The following XG variants were observed in gnomAD, a reference collection of about 807,000 sequenced individuals.
The protein encoded by XG is Xg glycoprotein (Xg blood group), also known as glycoprotein Xg.
In XG, 24 loss-of-function variants were observed where a neutral mutation model predicts 25.7. That is an observed-to-expected ratio of 0.93 (90% CI 0.68 to 1.31). XG has a LOEUF of 1.31. XG is among the 40% of genes most tolerant of loss of function. The pLI, the probability that XG is intolerant of heterozygous loss-of-function variation, is 0.00. For synonymous variants in XG, 77 were observed against 69.2 expected (o/e 1.11, Z -0.56); for missense variants, 181 against 187.6 (o/e 0.96, Z 0.21).
chrX:2,780,306 C>T (rs1256002141), intron 3 of XG, among the ~76,000 whole-genome samples: 2 of 151,214 alleles, frequency 1.3e-5, no homozygotes, highest in Non-Finnish European at 2.9e-5. Context: ...GGGAATTATG[C>T]AATTGACCAG....
At chrX:2,812,309 C>T (rs1486211712) in intron 10 of XG, among the ~76,000 whole-genome samples, 4 of 111,633 alleles carry the variant, frequency 3.6e-5, no homozygotes, top group African/African-American at 1.3e-4. Flanking sequence ...TTTGAAGAAT[C>T]ACTTGGGATT....
intron 1 of XG, among the ~76,000 whole-genome samples, chrX:2,753,291 G>A (rs1479759336): frequency 6.6e-6 from 1 of 152,142 alleles, no homozygotes; most frequent in Non-Finnish European, 1.5e-5. Context: ...CTAGTAAGTG[G>A]ACAATGTGGC....
chrX:2,796,305 A>G (rs2086885751), intron 6 of XG, among the ~76,000 whole-genome samples: 1 of 108,542 alleles, frequency 9.2e-6, no homozygotes, highest in Non-Finnish European at 1.9e-5. Context: ...CATTATTTGT[A>G]TAAACACATA....
intron 1 of XG, among the ~76,000 whole-genome samples, chrX:2,767,778 C>A (rs2050732159): frequency 2.0e-5 from 3 of 152,216 alleles, no homozygotes; most frequent in Admixed American, 2.0e-4. Context: ...GGACTGGAGA[C>A]TGTCTCAGTG....
rs780334216 is a variant in XG, at chrX:2,790,810, C to CG, written c.253+1111dup. 7.9e-4 allele frequency among the ~76,000 whole-genome samples: 88 copies of CG among 111,060 alleles called. 1 individual carries two copies. The highest frequency in any genetic ancestry group is 4.7e-3 in the Middle Eastern group (1 of 213). On this transcript the variant is annotated intron_variant, in intron 5 of 10. Transcript: ENST00000644266. ...AGTGAGACTCTGTCTCAAAAAAAGG[C>CG]GGGGGGGTGGTTGGATACAAGTATT... is the stretch of plus-strand genomic sequence containing the variant.
rs1276953182 is a variant in XG, at chrX:2,815,616, T to C, written c.*1236T>C. The C allele has an allele frequency of 9.0e-6, 1 of 111,043 alleles. No homozygotes were observed. The highest frequency in any genetic ancestry group is 1.9e-5 in the Non-Finnish European group (1 of 52,960). 9.2% of individuals were successfully genotyped at this position (111,043 alleles called of 1,213,427 possible). A position where few individuals can be genotyped will look rare whatever the true frequency, so the allele number is the denominator to read the frequency against. ...CGGGTCTCAAATGTGGATTCATGCA[T>C]CATTTGTGCAGTTTGAAGATAGTCC... On this transcript the variant is annotated 3_prime_UTR_variant, in exon 11 of 11. Coordinates refer to ENST00000644266, the MANE Select transcript of XG (RefSeq NM_001141919.2).
Position 2,809,339 on chromosome X carries a change from C to G in XG, c.454+1119C>G, listed in dbSNP as rs953282137. On this transcript the variant is annotated intron_variant, in intron 9 of 10. Transcript: ENST00000644266. ...GAACCTTCATGGGAAGGAGCCTGCC[C>G]CTGTTGATATGTAGGTGAAGAATGG... Among the ~76,000 whole-genome samples, 4 of 111,322 alleles carry G rather than the reference C, an allele frequency of 3.6e-5. 1 individual carries two copies. In the Admixed American group the frequency reaches 3.8e-4, roughly 11 times the overall value.
intron 1 of XG, among the ~76,000 whole-genome samples, chrX:2,754,740 G>A (rs1005166939): frequency 2.1e-4 from 32 of 152,108 alleles, no homozygotes; most frequent in African/African-American, 7.5e-4. Context: ...AGAAGACTAG[G>A]CCAGTGTCTC....
intron 3 of XG, among the ~76,000 whole-genome samples, chrX:2,779,121 ACTT>A (rs2051064648): frequency 1.3e-5 from 2 of 151,610 alleles, no homozygotes; most frequent in Non-Finnish European, 2.9e-5. Context: ...ATAAAAGAAA[ACTT>A]TTTTTTTTGA....
At chrX:2,794,714 G>A (rs1227199428) in intron 6 of XG, 111 bp downstream of exon 6, 9 of 885,890 alleles carry the variant, frequency 1.0e-5, no homozygotes, top group African/African-American at 6.0e-5. Flanking sequence ...AGTTGGTGAC[G>A]AGCAGACGAT....
chrX:2,770,213 C>T (rs2050786510), intron 1 of XG, among the ~76,000 whole-genome samples: 1 of 151,854 alleles, frequency 6.6e-6, no homozygotes, highest in Non-Finnish European at 1.5e-5. Flanking sequence ...AGAAGCCAGG[C>T]ACAAAATACC....
chrX:2,773,344 G>A (rs2050869259), intron 2 of XG, among the ~76,000 whole-genome samples: 1 of 146,218 alleles, frequency 6.8e-6, no homozygotes. Context: ...AGAAAAATAG[G>A]AGAAGAAAGG....
rs774834046 is a variant in XG at position 2,766,776 on chromosome X, A to G, written c.62-3774A>G. ...GAGACGGGGTTTCACCGTGTTAGCCAGGATGGTCTCGATCTCCTGACCTCG... is the reference window on the plus strand; with the variant it reads ...GAGACGGGGTTTCACCGTGTTAGCCGGGATGGTCTCGATCTCCTGACCTCG... On this transcript the variant is annotated intron_variant, in intron 1 of 10. Coordinates refer to ENST00000644266, the MANE Select transcript of XG (RefSeq NM_001141919.2). Among the ~76,000 whole-genome samples the G allele has an allele frequency of 1.3e-4, 20 of 151,272 alleles. 1 individual carries two copies. In the East Asian group the frequency reaches 1.6e-3, roughly 12 times the overall value.
At chrX:2,809,658 G>T (rs2087035669) in intron 9 of XG, among the ~76,000 whole-genome samples, 1 of 112,413 alleles carries the variant, frequency 8.9e-6, no homozygotes, top group Admixed American at 9.4e-5. Flanking sequence ...AGCAATTTGG[G>T]CTGACACCAT....
intron 9 of XG, among the ~76,000 whole-genome samples, chrX:2,809,049 G>A (rs1428757915): frequency 9.0e-6 from 1 of 111,422 alleles, no homozygotes; most frequent in African/African-American, 3.3e-5. Flanking sequence ...AGGCAGAAGG[G>A]ATACTCCTAG....
chrX:2,792,755 T>G (rs1404192094), intron 5 of XG, among the ~76,000 whole-genome samples: 1 of 109,898 alleles, frequency 9.1e-6, no homozygotes, highest in African/African-American at 3.3e-5. Context: ...CCAGAGCCTC[T>G]GTGCATGCTA....
At chrX:2,773,542 GGAAGGAGAGAAGGAAGGAAGGAGA>G (rs2050887509) in intron 2 of XG, among the ~76,000 whole-genome samples, 1 of 123,696 alleles carries the variant, frequency 8.1e-6, no homozygotes, top group African/African-American at 3.1e-5. Context: ...AGAGAAGGAA[GGAAGGAGAGAAGGAAGGAAGGAGA>G]GAAGGAAGGA....
chrX:2,769,741 A>G (rs1266388416), intron 1 of XG, among the ~76,000 whole-genome samples: 5 of 152,190 alleles, frequency 3.3e-5, no homozygotes, highest in Non-Finnish European at 2.9e-5. Flanking sequence ...TCTGCTGCAG[A>G]CACATTCATT....
intron 1 of XG, among the ~76,000 whole-genome samples, chrX:2,756,364 G>A (rs989798720): frequency 6.6e-6 from 1 of 152,092 alleles, no homozygotes; most frequent in East Asian, 1.9e-4. Flanking sequence ...TTCGATAGAA[G>A]AAATAAGCAC....
Sources: allele counts gnomAD v4.1 joint callset (sites outside exome capture counted in the v4.1 genomes callset), GRCh38; gene constraint gnomAD v4.1.1; transcripts MANE v1.5; gene names NCBI Gene and HGNC (gene_info 2026-07-23, HGNC 2026-07-21).